Variants in ADGRL3 observed in about 807,000 individuals in gnomAD.
ADGRL3 encodes the protein adhesion G protein-coupled receptor L3.
A neutral mutation model predicts 153.5 loss-of-function variants in ADGRL3; 62 were observed. The observed-to-expected ratio is 0.40, with a 90% confidence interval of 0.33 to 0.50. The LOEUF is 0.50. ADGRL3 is among the 20% of genes least tolerant of loss of function. The pLI is 0.47. For missense variants in ADGRL3, 1,641 were observed against 1,859.4 expected (o/e 0.88, Z 2.16); for synonymous variants, 710 against 672.5 (o/e 1.06, Z -0.86).
intron 21 of ADGRL3, among the ~76,000 whole-genome samples, chr4:62,001,546 T>C (rs538793045): frequency 6.6e-6 from 1 of 152,294 alleles, no homozygotes; most frequent in South Asian, 2.1e-4. Flanking sequence ...TTAAAATACA[T>C]TATATTAACA....
At chr4:61,278,766 A>G (rs1041557616) in intron 1 of ADGRL3, among the ~76,000 whole-genome samples, 2 of 152,170 alleles carry the variant, frequency 1.3e-5, no homozygotes, top group Admixed American at 1.3e-4. Context: ...TTGGCCTCCT[A>G]AAGTGCTGGG....
intron 8 of ADGRL3, among the ~76,000 whole-genome samples, chr4:61,783,306 G>A (rs1461950459): frequency 6.6e-6 from 1 of 152,028 alleles, no homozygotes; most frequent in Non-Finnish European, 1.5e-5. Context: ...CTCTATATCT[G>A]AGCCAAGTGC....
Position 61,681,069 on chromosome 4 carries a change from A to C in ADGRL3, c.583+4134A>C, listed in dbSNP as rs532093429. 5.9e-5 allele frequency among the ~76,000 whole-genome samples: 9 copies of C among 152,222 alleles called. 1 individual carries two copies. In the South Asian group the frequency reaches 1.9e-3, roughly 32 times the overall value. ...CCAAATATTCAAGAGGTTAAACCTC[A>C]CATTTACCAAAGCCACGTTTTTGTT... On this transcript the variant is annotated intron_variant, in intron 6 of 26. Coordinates refer to ENST00000683033, the MANE Select transcript of ADGRL3 (RefSeq NM_001387552.1).
rs944086446 is a variant in ADGRL3 at position 61,790,951 on chromosome 4, C to A, written c.1400-22858C>A. Reference sequence around the variant, plus strand: ...ATGAAAATAGCAGGAGAAAGACCCACCCCCATGATTCAGTTACCTCCCACT... The same window carrying A: ...ATGAAAATAGCAGGAGAAAGACCCAACCCCATGATTCAGTTACCTCCCACT... On this transcript the variant is annotated intron_variant, in intron 8 of 26. Transcript: ENST00000683033. 3.3e-5 allele frequency among the ~76,000 whole-genome samples: 5 copies of A among 152,264 alleles called. No homozygotes were observed. The South Asian group carries it at 1.0e-3, about 32-fold the overall frequency.
intron 5 of ADGRL3, among the ~76,000 whole-genome samples, chr4:61,638,018 C>A (rs925531422): frequency 2.0e-5 from 3 of 152,032 alleles, no homozygotes; most frequent in African/African-American, 7.2e-5. Context: ...AACTTTATGG[C>A]CCTGTAATTT....
intron 1 of ADGRL3, among the ~76,000 whole-genome samples, chr4:61,377,229 C>A (rs2096614405): frequency 6.6e-6 from 1 of 152,048 alleles, no homozygotes; most frequent in South Asian, 2.1e-4. Flanking sequence ...TCCTACCCTA[C>A]CTTATATGTG....
At chr4:61,530,672 C>T (rs1428448468) in intron 4 of ADGRL3, among the ~76,000 whole-genome samples, 1 of 152,140 alleles carries the variant, frequency 6.6e-6, no homozygotes, top group Non-Finnish European at 1.5e-5. Flanking sequence ...ATACTACCAG[C>T]TCTCTATAGT....
Position 61,403,943 on chromosome 4 carries a change from C to G in ADGRL3, c.-174+20754C>G, listed in dbSNP as rs2152161732. Among the ~76,000 whole-genome samples, 2 of 152,160 alleles carry G rather than the reference C, an allele frequency of 1.3e-5. 1 individual carries two copies. Among genetic ancestry groups the G allele is most frequent in the Middle Eastern group, 6.8e-3 (2 of 294 alleles). On this transcript the variant is annotated intron_variant, in intron 2 of 26. Coordinates refer to ENST00000683033, the MANE Select transcript of ADGRL3 (RefSeq NM_001387552.1). ...GTGAGAAAACAGGCATTTTTCCTTA[C>G]AACCCTTATCGTCTTATTTAATCTT... is the stretch of plus-strand genomic sequence containing the variant.
At chr4:61,683,340 C>T (rs2095377588) in intron 6 of ADGRL3, among the ~76,000 whole-genome samples, 1 of 152,028 alleles carries the variant, frequency 6.6e-6, no homozygotes, top group Non-Finnish European at 1.5e-5. Flanking sequence ...TGCTCTTTAG[C>T]TCAGCTAGGT....
At chr4:61,717,152 A>AT (rs1201272642) in intron 6 of ADGRL3, among the ~76,000 whole-genome samples, 16 of 148,440 alleles carry the variant, frequency 1.1e-4, no homozygotes, top group Non-Finnish European at 2.1e-4. Flanking sequence ...TGTGTGTATC[A>AT]TTTTTTTTGA....
intron 21 of ADGRL3, among the ~76,000 whole-genome samples, chr4:62,021,695 A>C (rs1055085484): frequency 1.3e-5 from 2 of 152,080 alleles, no homozygotes; most frequent in South Asian, 4.1e-4. Flanking sequence ...CAATATATCA[A>C]ACTTTTTCAT....
At chr4:61,994,144 C>CGTTTTTGTTTT (rs1365243757) in intron 19 of ADGRL3, among the ~76,000 whole-genome samples, 11 of 151,984 alleles carry the variant, frequency 7.2e-5, no homozygotes, top group Non-Finnish European at 1.6e-4. Context: ...CTTCGTTTTT[C>CGTTTTTGTTTT]GTTTTTGTTT....
intron 1 of ADGRL3, among the ~76,000 whole-genome samples, chr4:61,330,730 G>A (rs1055773516): frequency 6.6e-6 from 1 of 152,150 alleles, no homozygotes; most frequent in Non-Finnish European, 1.5e-5. Context: ...TGCGTGGAAA[G>A]GGACCCCAGC....
At chr4:61,611,093 T>G (rs1579844380) in intron 5 of ADGRL3, among the ~76,000 whole-genome samples, 1 of 152,260 alleles carries the variant, frequency 6.6e-6, no homozygotes, top group South Asian at 2.1e-4. Flanking sequence ...ACATAGAAAT[T>G]TATTGTTTGT....
chr4:61,719,709 C>G (rs1309266547), intron 6 of ADGRL3, among the ~76,000 whole-genome samples: 1 of 150,630 alleles, frequency 6.6e-6, no homozygotes, highest in Non-Finnish European at 1.5e-5. Context: ...TCAAGTGATT[C>G]TCCTGCCTCA....
At chr4:61,868,778 T>C (rs1452878178) in intron 9 of ADGRL3, among the ~76,000 whole-genome samples, 2 of 152,102 alleles carry the variant, frequency 1.3e-5, no homozygotes, top group Admixed American at 6.6e-5. Flanking sequence ...TGCTGAAAAG[T>C]TTCACCTCAG....
intron 25 of ADGRL3, among the ~76,000 whole-genome samples, chr4:62,056,745 A>T (rs1737230709): frequency 6.6e-6 from 1 of 152,154 alleles, no homozygotes; most frequent in Non-Finnish European, 1.5e-5. Context: ...TATATATTAG[A>T]AATGACTTCA....
chr4:61,746,893 C>A (rs1054220088), intron 8 of ADGRL3, among the ~76,000 whole-genome samples: 4 of 151,136 alleles, frequency 2.6e-5, no homozygotes, highest in Non-Finnish European at 5.9e-5. Flanking sequence ...CACAAAAAAC[C>A]CTTCAAAAAA....
chr4:61,333,525 T>C (rs1046018283), intron 1 of ADGRL3, among the ~76,000 whole-genome samples: 3 of 152,188 alleles, frequency 2.0e-5, no homozygotes, highest in Admixed American at 1.3e-4. Flanking sequence ...AATTTTTAGT[T>C]TTATGGCATT....
Sources: allele counts gnomAD v4.1 joint callset (sites outside exome capture counted in the v4.1 genomes callset), GRCh38; gene constraint gnomAD v4.1.1; transcripts MANE v1.5; gene names NCBI Gene and HGNC (gene_info 2026-07-23, HGNC 2026-07-21).